Variants in SLC9A9 observed in about 807,000 individuals in gnomAD.
SLC9A9 encodes solute carrier family 9 member A9.
SLC9A9 carries 62 observed loss-of-function variants against 77.8 expected under a neutral mutation model. The observed-to-expected ratio is 0.80, with a 90% CI of 0.65 to 0.98. SLC9A9 has a LOEUF of 0.98. SLC9A9 is among the 50% of genes least tolerant of loss of function. SLC9A9 has a pLI of 0.00. For missense variants in SLC9A9, 775 were observed against 774.9 expected, an observed-to-expected ratio of 1.00 and a Z score of 0.00; for synonymous variants, 320 against 283.5, an observed-to-expected ratio of 1.13 and a Z score of -1.29.
chr3:143,767,657 G>T (rs1404281770), intron 4 of SLC9A9, among the ~76,000 whole-genome samples: 1 of 152,068 alleles, frequency 6.6e-6, no homozygotes, highest in East Asian at 1.9e-4. Context: ...CAACAGTTTA[G>T]AATTTCTTTA....
chr3:143,652,685 T>A (rs1465165188), intron 5 of SLC9A9, among the ~76,000 whole-genome samples: 1 of 151,930 alleles, frequency 6.6e-6, no homozygotes, highest in African/African-American at 2.4e-5. Context: ...AAACACACTG[T>A]GTAGTTTCTT....
At chr3:143,815,923 T>G (rs183646057) in intron 2 of SLC9A9, among the ~76,000 whole-genome samples, 50 of 152,126 alleles carry the variant, frequency 3.3e-4, no homozygotes, top group African/African-American at 1.2e-3. Flanking sequence ...CCTAATATAA[T>G]CCTCCAGAGA....
intron 6 of SLC9A9, among the ~76,000 whole-genome samples, chr3:143,588,720 G>A (rs2037597516): frequency 1.3e-5 from 2 of 152,202 alleles, no homozygotes; most frequent in East Asian, 3.8e-4. Context: ...AAGTGAATTT[G>A]AGATAGTCCT....
At chr3:143,676,470 G>A (rs150469541) in intron 5 of SLC9A9, among the ~76,000 whole-genome samples, 4,302 of 152,236 alleles carry the variant, frequency 0.028, 178 homozygotes, top group African/African-American at 0.098. Flanking sequence ...TGGGTGTGGT[G>A]GCTCATGCCT....
chr3:143,726,131 A>G lies in SLC9A9; in HGVS notation c.534-32824T>C, dbSNP rs568620935. 3.3e-5 allele frequency among the ~76,000 whole-genome samples: 5 copies of G among 151,822 alleles called. No homozygotes were observed. The South Asian group carries it at 6.2e-4, about 19-fold the overall frequency. ...TTACTTTGAGAAATTAAAAAAAAAT[A>G]CTTAGGTGATAGGTTGGTCTGTGCA... On this transcript the variant is annotated intron_variant, in intron 4 of 15. Coordinates refer to ENST00000316549, the MANE Select transcript of SLC9A9 (RefSeq NM_173653.4).
intron 11 of SLC9A9, among the ~76,000 whole-genome samples, chr3:143,476,488 A>C (rs2035479176): frequency 1.3e-5 from 2 of 152,270 alleles, no homozygotes; most frequent in Non-Finnish European, 1.5e-5. Context: ...CTCTGAAGTC[A>C]ACAAGCATAG....
intron 6 of SLC9A9, among the ~76,000 whole-genome samples, chr3:143,631,920 C>T (rs2038433088): frequency 6.6e-6 from 1 of 152,054 alleles, no homozygotes; most frequent in Non-Finnish European, 1.5e-5. Context: ...ACTATGATTC[C>T]CACATGCTGG....
At chr3:143,460,351 C>G (rs894096507) in intron 12 of SLC9A9, among the ~76,000 whole-genome samples, 3 of 152,026 alleles carry the variant, frequency 2.0e-5, no homozygotes, top group African/African-American at 7.2e-5. Flanking sequence ...AGTGTGCTTA[C>G]TCCATTTTGA....
chr3:143,574,878 A>C lies in SLC9A9; in HGVS notation c.895-685T>G, dbSNP rs1302045795. Among the ~76,000 whole-genome samples the C allele has an allele frequency of 2.6e-5, 4 of 152,256 alleles. No individual in the cohort carries two copies. In the East Asian group the frequency reaches 7.7e-4, roughly 29 times the overall value. On this transcript the variant is annotated intron_variant, in intron 7 of 15. Coordinates refer to ENST00000316549, the MANE Select transcript of SLC9A9 (RefSeq NM_173653.4). The stretch of plus-strand genomic sequence containing the variant: ...GTTGGGCAGAGAATGGATCATGCGG[A>C]GATGATTAGGAGTACGTGATCGATG...
intron 9 of SLC9A9, among the ~76,000 whole-genome samples, chr3:143,532,238 AG>A (rs1246749906): frequency 6.6e-6 from 1 of 152,212 alleles, no homozygotes; most frequent in Non-Finnish European, 1.5e-5. Context: ...CCTGATTTGT[AG>A]TGCAAGCTGA....
At chr3:143,368,051 C>T (rs934962955) in intron 13 of SLC9A9, among the ~76,000 whole-genome samples, 1 of 152,124 alleles carries the variant, frequency 6.6e-6, no homozygotes, top group East Asian at 1.9e-4. Context: ...ATACTCTAAG[C>T]AGCAGAATGT....
At chr3:143,300,261 T>C (rs1331773289) in intron 14 of SLC9A9, among the ~76,000 whole-genome samples, 1 of 152,232 alleles carries the variant, frequency 6.6e-6, no homozygotes, top group Non-Finnish European at 1.5e-5. Flanking sequence ...TTTGCACCTC[T>C]ATCATAGGGT....
chr3:143,573,674 A>T (rs534484741), intron 8 of SLC9A9, among the ~76,000 whole-genome samples: 2 of 152,210 alleles, frequency 1.3e-5, no homozygotes, highest in South Asian at 4.2e-4. Flanking sequence ...ATGGAGATGT[A>T]CCTACCCTAG....
At chr3:143,533,841 A>G (rs1309547529) in intron 9 of SLC9A9, among the ~76,000 whole-genome samples, 1 of 152,222 alleles carries the variant, frequency 6.6e-6, no homozygotes, top group Admixed American at 6.5e-5. Flanking sequence ...ATAATAATGT[A>G]GATATCTCCT....
chr3:143,711,635 T>G (rs2108796737), intron 4 of SLC9A9, among the ~76,000 whole-genome samples: 1 of 151,868 alleles, frequency 6.6e-6, no homozygotes, highest in Non-Finnish European at 1.5e-5. Flanking sequence ...AGGTTGGTCT[T>G]GAATTCCTAG....
intron 6 of SLC9A9, among the ~76,000 whole-genome samples, chr3:143,638,527 T>C (rs1292977505): frequency 6.6e-6 from 1 of 152,222 alleles, no homozygotes; most frequent in Admixed American, 6.5e-5. Flanking sequence ...TGAAAGAATT[T>C]CCTCCTTTTT....
At chr3:143,336,244 G>T (rs1004073146) in intron 14 of SLC9A9, among the ~76,000 whole-genome samples, 2 of 152,136 alleles carry the variant, frequency 1.3e-5, no homozygotes, top group African/African-American at 4.8e-5. Flanking sequence ...GAAAATAAGT[G>T]TTGATGAGGA....
intron 6 of SLC9A9, among the ~76,000 whole-genome samples, chr3:143,610,145 TTTA>T (rs2037998499): frequency 6.6e-6 from 1 of 152,070 alleles, no homozygotes; most frequent in African/African-American, 2.4e-5. Flanking sequence ...TTTTCCTTTA[TTTA>T]TTTTTTTTTT....
chr3:143,826,458 C>G (rs1559816551), intron 2 of SLC9A9, among the ~76,000 whole-genome samples: 1 of 152,098 alleles, frequency 6.6e-6, no homozygotes, highest in Non-Finnish European at 1.5e-5. Flanking sequence ...CCTCGTTTTT[C>G]TTGCATCTAC....
Sources: allele counts gnomAD v4.1 joint callset (sites outside exome capture counted in the v4.1 genomes callset), GRCh38; gene constraint gnomAD v4.1.1; transcripts MANE v1.5; gene names NCBI Gene and HGNC (gene_info 2026-07-23, HGNC 2026-07-21).